Variants in PSORS1C1 observed in about 807,000 individuals in gnomAD.
PSORS1C1 encodes psoriasis susceptibility 1 candidate 1.
PSORS1C1 carries 7 observed loss-of-function variants against 9.4 expected under a neutral mutation model. The ratio of observed to expected loss-of-function variants is 0.75; its 90% CI spans 0.42 to 1.40. The LOEUF (loss-of-function observed/expected upper bound fraction) is 1.40, where lower values mean the gene tolerates loss of function less well. PSORS1C1 is among the 40% of genes most tolerant of loss of function. The pLI is 0.01. For synonymous variants in PSORS1C1, 63 were observed against 69.4 expected (o/e 0.91, Z 0.46); for missense variants, 146 against 178.1 (o/e 0.82, Z 1.02).
chr6:31,138,858 C>T (rs1773305525), intron 5 of PSORS1C1, 79 bp downstream of exon 5: 1 of 1,602,844 alleles, frequency 6.2e-7, no homozygotes, highest in Admixed American at 1.7e-5. Context: ...GCCAGATGCA[C>T]CTTCTGCGTC....
chr6:31,118,997 C>T (rs1772319665), intron 1 of PSORS1C1, among the ~76,000 whole-genome samples: 2 of 151,800 alleles, frequency 1.3e-5, no homozygotes, highest in Admixed American at 1.3e-4. Flanking sequence ...TGCCCGCCAC[C>T]ACACCCAGCT....
At chr6:31,126,553 A>G (rs1282240816) in intron 2 of PSORS1C1, among the ~76,000 whole-genome samples, 2 of 151,818 alleles carry the variant, frequency 1.3e-5, no homozygotes, top group African/African-American at 2.4e-5. Context: ...TCTCTCCTCT[A>G]TGGAATGGCC....
At chr6:31,138,186 G>A (rs758457672) in intron 3 of PSORS1C1, 3 of 1,580,644 alleles carry the variant, frequency 1.9e-6, no homozygotes, top group Admixed American at 1.9e-5. Context: ...TTCAAAGAGA[G>A]GGGGTGCCCC....
At chr6:31,122,569 A>G (rs1016330035) in intron 1 of PSORS1C1, among the ~76,000 whole-genome samples, 5 of 152,212 alleles carry the variant, frequency 3.3e-5, no homozygotes, top group African/African-American at 1.2e-4. Context: ...TGAGGCCAGG[A>G]GTTCGAGATC....
intron 1 of PSORS1C1, chr6:31,116,305 GA>G (rs1772115128): frequency 6.2e-7 from 1 of 1,613,968 alleles, no homozygotes; most frequent in Admixed American, 1.7e-5. Context: ...ACTGGATTGG[GA>G]ACTGGAGCTG....
chr6:31,116,440 G>T, intron 1 of PSORS1C1: 1 of 1,590,458 alleles, frequency 6.3e-7, no homozygotes, highest in Non-Finnish European at 8.6e-7. Flanking sequence ...ACTGGAGGGA[G>T]AGCAGGGTCC....
Position 31,128,733 on chromosome 6 carries a change from G to A in PSORS1C1, c.-64-836G>A, listed in dbSNP as rs957663556. ...AGAGAGCTTAAGTTTATACCAAAGCGAGTCTTGGGTCTAATAATTTTGAAA... is the reference window on the plus strand; with the variant it reads ...AGAGAGCTTAAGTTTATACCAAAGCAAGTCTTGGGTCTAATAATTTTGAAA... On this transcript the variant is annotated intron_variant, in intron 2 of 5. Coordinates refer to ENST00000259881, the MANE Select transcript of PSORS1C1 (RefSeq NM_014068.3). The surrounding 1 kb of genome is among the most constrained non-coding windows in gnomAD (Gnocchi z 4.3). Among the ~76,000 whole-genome samples, 2 of 152,214 alleles carry A rather than the reference G, an allele frequency of 1.3e-5. No homozygotes were observed. The highest frequency in any genetic ancestry group is 1.9e-4 in the East Asian group (1 of 5,198).
At chr6:31,116,033 T>G in intron 1 of PSORS1C1, 1 of 1,610,834 alleles carries the variant, frequency 6.2e-7, no homozygotes, top group Non-Finnish European at 8.5e-7. Flanking sequence ...TCTTATGGAC[T>G]GTTGAGTAAC....
chr6:31,116,806 C>A (rs925389963), intron 1 of PSORS1C1: 2 of 1,613,886 alleles, frequency 1.2e-6, no homozygotes, highest in African/African-American at 1.3e-5. Context: ...ACAGGGGGGA[C>A]CTTGAACCAC....
chr6:31,116,822 G>C (rs759141071), intron 1 of PSORS1C1: 30 of 1,613,860 alleles, frequency 1.9e-5, no homozygotes, highest in Non-Finnish European at 2.5e-5. Flanking sequence ...ACCACTCCAG[G>C]GGCACCAGAA....
rs536695955 is a variant in PSORS1C1 at position 31,117,949 on chromosome 6, A to T, written c.-229+3058A>T. 85 of 180,132 alleles carry T rather than the reference A, an allele frequency of 4.7e-4. No individual in the cohort carries two copies. The South Asian group carries it at 8.3e-3, about 17-fold the overall frequency. The allele number at this position is 180,132 out of a possible 1,614,324, so 11.2% of individuals were successfully genotyped here. On this transcript the variant is annotated intron_variant, in intron 1 of 5. Transcript: ENST00000259881. ...GTCTGTATTTTGTTTTTTAATTAAA[A>T]TTTTTTTTAAAAAGAAGAGGGAATG...
rs1358676547 is a variant in PSORS1C1 at position 31,115,178 on chromosome 6, T to C, written c.-229+287T>C. On this transcript the variant is annotated intron_variant, in intron 1 of 5. Transcript: ENST00000259881. This position sits in a 1 kb window ranked among gnomAD's most constrained non-coding sequence, Gnocchi z 4.2. ...AACACAGCCCGCTTTTGAAGGAAAA[T>C]GAGGAACACAGAGACCTCTAGAGGC... The C allele has an allele frequency of 3.0e-6, 1 of 336,922 alleles. No homozygotes were observed. The highest frequency in any genetic ancestry group is 2.2e-5 in the African/African-American group (1 of 46,122). 20.9% of individuals were successfully genotyped at this position (336,922 alleles called of 1,614,324 possible).
rs748159562 is a variant in PSORS1C1, at chr6:31,139,615, C to T, written c.168-26C>T. ...CCTTCCCCCATGGGATCCAGGCATC[C>T]TGCTCTCCACCATGTCCTTCTTCAG... On this transcript the variant is annotated intron_variant, in intron 5 of 5. Coordinates refer to ENST00000259881, the MANE Select transcript of PSORS1C1 (RefSeq NM_014068.3). The surrounding 1 kb of genome is among the most constrained non-coding windows in gnomAD (Gnocchi z 5.2). 4 of 1,602,192 alleles carry T rather than the reference C, an allele frequency of 2.5e-6. No homozygotes were observed. The African/African-American group carries it at 4.0e-5, about 16-fold the overall frequency.
At chr6:31,120,395 T>G in intron 1 of PSORS1C1, 1 of 1,592,106 alleles carries the variant, frequency 6.3e-7, no homozygotes, top group Non-Finnish European at 8.5e-7. Context: ...ACACGCCCCA[T>G]CCAGGGTGCC....
intron 3 of PSORS1C1, among the ~76,000 whole-genome samples, chr6:31,134,982 A>T (rs1157019241): frequency 1.3e-5 from 2 of 151,826 alleles, no homozygotes; most frequent in Non-Finnish European, 2.9e-5. Context: ...ACATCTGGCT[A>T]ATTTCTTAAA....
intron 2 of PSORS1C1, among the ~76,000 whole-genome samples, chr6:31,127,037 A>G (rs1347108386): frequency 6.6e-6 from 1 of 152,118 alleles, no homozygotes; most frequent in African/African-American, 2.4e-5. Context: ...TGCACCTGTT[A>G]AATAGTCATT....
chr6:31,134,499 G>GT (rs1257155835), intron 3 of PSORS1C1, among the ~76,000 whole-genome samples: 3 of 151,904 alleles, frequency 2.0e-5, no homozygotes, highest in African/African-American at 7.3e-5. Flanking sequence ...TAGAGACTGG[G>GT]TTTCACCATG....
chr6:31,116,390 C>T (rs774643559), intron 1 of PSORS1C1: 9 of 1,602,498 alleles, frequency 5.6e-6, no homozygotes, highest in African/African-American at 2.7e-5. Context: ...TAGGGTAAAC[C>T]GGAGCTGCTG....
chr6:31,126,110 C>T (rs1333994883), intron 2 of PSORS1C1, among the ~76,000 whole-genome samples: 1 of 152,212 alleles, frequency 6.6e-6, no homozygotes, highest in Non-Finnish European at 1.5e-5. Flanking sequence ...CTGACACAGC[C>T]ACTCATGCAA....
Sources: allele counts gnomAD v4.1 joint callset (sites outside exome capture counted in the v4.1 genomes callset), GRCh38; gene constraint gnomAD v4.1.1; non-coding constraint Gnocchi (gnomAD v3.1); transcripts MANE v1.5; gene names NCBI Gene and HGNC (gene_info 2026-07-23, HGNC 2026-07-21).